Variants in ADARB2 observed in about 807,000 individuals in gnomAD.
The protein encoded by ADARB2 is adenosine deaminase RNA specific B2 (inactive).
In ADARB2, 25 loss-of-function variants were observed where a neutral mutation model predicts 62.2. The ratio of observed to expected loss-of-function variants is 0.40; its 90% CI spans 0.29 to 0.56. The LOEUF is 0.56. Among genes scored for constraint, ADARB2 ranks in the 20% least tolerant of loss-of-function variants. The probability of loss-of-function intolerance (pLI) is 0.43; values close to 1 mark genes in which losing one functional copy is unlikely to be tolerated. For missense variants in ADARB2, 1,071 were observed against 1,077.4 expected (o/e 0.99, Z 0.08); for synonymous variants, 572 against 500.8 (o/e 1.14, Z -1.90).
rs190344532 is a variant in ADARB2, at chr10:1,720,226, A to G, written c.100+16825T>C. Among the ~76,000 whole-genome samples, 528 of 152,350 alleles carry G rather than the reference A, an allele frequency of 3.5e-3. 6 individuals carry two copies. Among genetic ancestry groups the G allele is most frequent in the African/African-American group, 0.012 (514 of 41,592 alleles). On this transcript the variant is annotated intron_variant, in intron 1 of 9. Transcript: ENST00000381312. ...AGAATAAAATCATGTTCTTTGCAGC[A>G]ACATGGATGCAGCTAGAGGCTGTTA...
intron 1 of ADARB2, among the ~76,000 whole-genome samples, chr10:1,528,405 G>A (rs1488074372): frequency 6.6e-6 from 1 of 152,202 alleles, no homozygotes; most frequent in Non-Finnish European, 1.5e-5. Flanking sequence ...GTGAATCTAT[G>A]AGCAGTTACT....
chr10:1,669,459 GACACAA>G (rs1280568247), intron 1 of ADARB2, among the ~76,000 whole-genome samples: 23 of 150,646 alleles, frequency 1.5e-4, no homozygotes, highest in Non-Finnish European at 2.8e-4. Context: ...CAAACAGGGA[GACACAA>G]ACACAGACAC....
chr10:1,224,315 TTTC>T (rs1323964564), intron 6 of ADARB2, among the ~76,000 whole-genome samples: 4 of 152,204 alleles, frequency 2.6e-5, no homozygotes, highest in African/African-American at 7.2e-5. Context: ...TCTTCTCTCT[TTTC>T]TTCTTTATTA....
intron 1 of ADARB2, among the ~76,000 whole-genome samples, chr10:1,681,873 CACTCCGCAGAG>C (rs1476343545): frequency 6.6e-6 from 1 of 152,154 alleles, no homozygotes; most frequent in African/African-American, 2.4e-5. Context: ...AAGTGCAGCA[CACTCCGCAGAG>C]ACTCAAGGGT....
At position 1,363,640 on chromosome 10, in the gene ADARB2, G is replaced by A. The variant is rs35398040; in HGVS notation, c.465C>T (p.Val155=). ...VSQTGPVHAP[V]FAVAVEVNGL... Reference sequence around the variant, plus strand: ...CGTTCACCTCCACCGCTACCGCGAAGACCGGGGCATGCACCGGGCCCGTCT... The same window carrying A: ...CGTTCACCTCCACCGCTACCGCGAAAACCGGGGCATGCACCGGGCCCGTCT... Residue 155 remains valine, a synonymous_variant, in exon 3 of 10, where the codon GTC becomes GTT. Coordinates refer to ENST00000381312, the MANE Select transcript of ADARB2 (RefSeq NM_018702.4). 4,071 of 1,605,732 alleles carry A rather than the reference G, an allele frequency of 2.5e-3. 95 individuals are homozygous for A. The African/African-American group carries it at 0.047, about 19-fold the overall frequency.
intron 1 of ADARB2, among the ~76,000 whole-genome samples, chr10:1,418,270 C>T (rs537736241): frequency 2.0e-5 from 3 of 152,192 alleles, no homozygotes; most frequent in African/African-American, 7.2e-5. Flanking sequence ...GCTATGAGCA[C>T]CCCTGGAGTT....
intron 1 of ADARB2, among the ~76,000 whole-genome samples, chr10:1,538,638 G>A (rs531909632): frequency 1.3e-5 from 2 of 152,216 alleles, no homozygotes; most frequent in East Asian, 1.9e-4. Flanking sequence ...GACGGGGAGC[G>A]TTCTGCCCAT....
rs940245182 is a variant in ADARB2 at position 1,217,059 on chromosome 10, G to A, written c.1574C>T (p.Ser525Phe). 3.7e-6 allele frequency: 6 copies of A among 1,610,150 alleles called. No homozygotes were observed. Among genetic ancestry groups the A allele is most frequent in the Non-Finnish European group, 5.1e-6 (6 of 1,178,470 alleles). Residue 525 changes from serine to phenylalanine, a missense_variant, in exon 7 of 10, where the codon TCC becomes TTC. Physicochemically the swap from Ser to Phe is radical, Grantham distance 155. Transcript: ENST00000381312. ...FRGHLRTKIESGEGTVPVRGP... is the reference protein window; with the variant it reads ...FRGHLRTKIEFGEGTVPVRGP... ...ACGCACGGGGACCGTCCCTTCCCCG[G>A]ACTCGATCTTGGTGCGCAGGTGCCC...
At chr10:1,581,775 A>G (rs189450894) in intron 1 of ADARB2, among the ~76,000 whole-genome samples, 1 of 152,236 alleles carries the variant, frequency 6.6e-6, no homozygotes, top group African/African-American at 2.4e-5. Flanking sequence ...CATAGTGCAT[A>G]GAGAGAGACA....
intron 1 of ADARB2, among the ~76,000 whole-genome samples, chr10:1,602,427 C>G (rs1342053351): frequency 1.3e-5 from 2 of 152,182 alleles, no homozygotes; most frequent in Non-Finnish European, 2.9e-5. Context: ...ACAGGCCTCC[C>G]AAGGAATGGA....
At chr10:1,594,670 G>A (rs144808256) in intron 1 of ADARB2, among the ~76,000 whole-genome samples, 85 of 152,328 alleles carry the variant, frequency 5.6e-4, no homozygotes, top group African/African-American at 1.8e-3. Flanking sequence ...GGCTAAGCAA[G>A]GGGCTCCTTT....
At chr10:1,562,972 C>A in intron 1 of ADARB2, among the ~76,000 whole-genome samples, 1 of 152,250 alleles carries the variant, frequency 6.6e-6, no homozygotes, top group East Asian at 1.9e-4. Context: ...GAAAGAAGCA[C>A]TTCTCATGCT....
At chr10:1,657,860 C>G (rs1202951793) in intron 1 of ADARB2, among the ~76,000 whole-genome samples, 1 of 152,120 alleles carries the variant, frequency 6.6e-6, no homozygotes, top group African/African-American at 2.4e-5. Flanking sequence ...CTCTCTCTTT[C>G]TCTCTGCTCT....
intron 3 of ADARB2, among the ~76,000 whole-genome samples, chr10:1,318,785 T>C (rs1038434771): frequency 2.0e-5 from 3 of 152,168 alleles, no homozygotes; most frequent in African/African-American, 7.2e-5. Flanking sequence ...TTGGCCACAG[T>C]TGGAATAATC....
At chr10:1,660,222 A>C (rs1808163829) in intron 1 of ADARB2, among the ~76,000 whole-genome samples, 1 of 152,250 alleles carries the variant, frequency 6.6e-6, no homozygotes, top group African/African-American at 2.4e-5. Context: ...GTGCTCACAA[A>C]GCACTGGCTA....
chr10:1,712,556 G>C (rs564582179), intron 1 of ADARB2, among the ~76,000 whole-genome samples: 1 of 151,956 alleles, frequency 6.6e-6, no homozygotes, highest in South Asian at 2.1e-4. Flanking sequence ...GGAGGATTGG[G>C]AAAGCCCCCC....
chr10:1,695,948 G>T (rs1178087475), intron 1 of ADARB2, among the ~76,000 whole-genome samples: 1 of 152,106 alleles, frequency 6.6e-6, no homozygotes, highest in African/African-American at 2.4e-5. Flanking sequence ...GTATGCCTGT[G>T]TGTGGGATGC....
chr10:1,389,931 C>T (rs942540580), intron 1 of ADARB2, among the ~76,000 whole-genome samples: 1 of 152,042 alleles, frequency 6.6e-6, no homozygotes, highest in Non-Finnish European at 1.5e-5. Flanking sequence ...CTACGAATTA[C>T]CACCTCCACT....
At chr10:1,612,554 CCTT>C (rs1350807545) in intron 1 of ADARB2, among the ~76,000 whole-genome samples, 1 of 152,210 alleles carries the variant, frequency 6.6e-6, no homozygotes, top group East Asian at 1.9e-4. Context: ...CTATTATTGT[CCTT>C]GTTTATAGGT....
Sources: allele counts gnomAD v4.1 joint callset (sites outside exome capture counted in the v4.1 genomes callset), GRCh38; gene constraint gnomAD v4.1.1; transcripts MANE v1.5; gene names NCBI Gene and HGNC (gene_info 2026-07-23, HGNC 2026-07-21).